CNTN6: variants seen among roughly 807,000 people sequenced by gnomAD.
The protein encoded by CNTN6 is contactin 6, also known as contactin-6.
CNTN6 carries 137 observed loss-of-function variants against 122.8 expected under a neutral mutation model. The ratio of observed to expected loss-of-function variants is 1.12; its 90% CI spans 0.97 to 1.29. The LOEUF is 1.29. CNTN6 is among the 50% of genes most tolerant of loss of function. CNTN6 has a pLI of 0.00. For missense variants in CNTN6, 1,634 were observed against 1,223.4 expected (o/e 1.34, Z -5.01); for synonymous variants, 570 against 426.0 (o/e 1.34, Z -4.16).
At chr3:1,366,575 A>G (rs1025752437) in intron 12 of CNTN6, among the ~76,000 whole-genome samples, 4 of 152,138 alleles carry the variant, frequency 2.6e-5, no homozygotes, top group Admixed American at 6.5e-5. Flanking sequence ...TCCACAAAGT[A>G]GCATGAACAG....
At chr3:1,398,970 C>T (rs887555528) in intron 20 of CNTN6, among the ~76,000 whole-genome samples, 2 of 152,118 alleles carry the variant, frequency 1.3e-5, no homozygotes, top group East Asian at 1.9e-4. Flanking sequence ...AAAGTCATTG[C>T]CAACATTGCA....
chr3:1,348,157 C>CAAAAAAAAAAAAAAAAAAAAAAAAA lies in CNTN6; in HGVS notation c.1365-4148_1365-4147insAAAAAAAAAAAAAAAAAAAAAAAAA, dbSNP rs532282828. Among the ~76,000 whole-genome samples, 19 of 64,284 alleles carry CAAAAAAAAAAAAAAAAAAAAAAAAA rather than the reference C, an allele frequency of 3.0e-4. 4 individuals are homozygous for CAAAAAAAAAAAAAAAAAAAAAAAAA. The highest frequency in any genetic ancestry group is 3.7e-4 in the Non-Finnish European group (13 of 35,506). The allele number at this position is 64,284 out of a possible 152,430, so 42.2% of individuals were successfully genotyped here. ...AATATTAGTATTTCTATGCTATAGA[C>CAAAAAAAAAAAAAAAAAAAAAAAAA]AAAAAAAAAAAAAAAAAAAGGACTT... On this transcript the variant is annotated intron_variant, in intron 11 of 22. Coordinates refer to ENST00000446702, the MANE Select transcript of CNTN6 (RefSeq NM_001289080.2).
At chr3:1,132,788 A>C (rs2092373823) in intron 1 of CNTN6, among the ~76,000 whole-genome samples, 1 of 152,176 alleles carries the variant, frequency 6.6e-6, no homozygotes, top group Non-Finnish European at 1.5e-5. Context: ...TTTGAATAAC[A>C]GTCACTTGAC....
At chr3:1,383,929 C>T (rs568609488) in intron 19 of CNTN6, among the ~76,000 whole-genome samples, 35 of 140,180 alleles carry the variant, frequency 2.5e-4, no homozygotes, top group African/African-American at 6.8e-4. Flanking sequence ...TAAACTGATA[C>T]GGAACTGGTG....
intron 2 of CNTN6, among the ~76,000 whole-genome samples, chr3:1,202,898 C>T (rs1559506253): frequency 1.3e-5 from 2 of 152,112 alleles, no homozygotes; most frequent in Non-Finnish European, 2.9e-5. Context: ...AAATGAAGCA[C>T]GGGCTGCTAT....
At chr3:1,274,113 C>T (rs567274427) in intron 4 of CNTN6, among the ~76,000 whole-genome samples, 333 of 152,208 alleles carry the variant, frequency 2.2e-3, no homozygotes, top group African/African-American at 7.6e-3. Context: ...TTAAAATTGT[C>T]ACCTATGATG....
At chr3:1,248,042 G>A (rs17080969) in intron 4 of CNTN6, among the ~76,000 whole-genome samples, 8,945 of 151,946 alleles carry the variant, frequency 0.059, 346 homozygotes, top group East Asian at 0.15. Context: ...TTGGTATGTT[G>A]GGTGGCTCTT....
At chr3:1,253,087 CTT>C (rs891171920) in intron 4 of CNTN6, among the ~76,000 whole-genome samples, 1 of 152,164 alleles carries the variant, frequency 6.6e-6, no homozygotes, top group Non-Finnish European at 1.5e-5. Context: ...CAATCATCCT[CTT>C]TTATTTTGCC....
At chr3:1,249,138 TA>T (rs1335063576) in intron 4 of CNTN6, among the ~76,000 whole-genome samples, 1 of 152,152 alleles carries the variant, frequency 6.6e-6, no homozygotes, top group Non-Finnish European at 1.5e-5. Context: ...GGTTAATGTC[TA>T]AAGACAATCA....
intron 7 of CNTN6, among the ~76,000 whole-genome samples, chr3:1,312,454 A>T (rs1370243117): frequency 6.6e-6 from 1 of 151,992 alleles, no homozygotes. Flanking sequence ...GAAGGATTTC[A>T]AATCTAAGTT....
intron 2 of CNTN6, among the ~76,000 whole-genome samples, chr3:1,170,164 G>A (rs1459893127): frequency 6.9e-6 from 1 of 144,790 alleles, no homozygotes; most frequent in East Asian, 2.0e-4. Context: ...TTGAACCCGT[G>A]AGGCAGAGGT....
At chr3:1,301,938 A>G (rs914599066) in intron 7 of CNTN6, among the ~76,000 whole-genome samples, 2 of 152,202 alleles carry the variant, frequency 1.3e-5, no homozygotes, top group Non-Finnish European at 1.5e-5. Context: ...TCTTTGACAC[A>G]TTGCAAACAT....
chr3:1,332,526 G>GGAAGGAAGGAAGGAAA (rs1185468906), intron 11 of CNTN6, among the ~76,000 whole-genome samples: 1 of 149,586 alleles, frequency 6.7e-6, no homozygotes, highest in South Asian at 2.1e-4. Context: ...AAGGAAGGAA[G>GGAAGGAAGGAAGGAAA]GAAGGAGGGA....
At position 1,385,885 on chromosome 3, in the gene CNTN6, C is replaced by CATT. The variant is rs1329959614; in HGVS notation, c.2704+89_2704+91dup. 5.5e-5 allele frequency: 67 copies of CATT among 1,225,324 alleles called. 1 individual carries two copies. The South Asian group carries it at 1.1e-3, about 20-fold the overall frequency. 75.9% of individuals were successfully genotyped at this position (1,225,324 alleles called of 1,614,324 possible). Reference sequence around the variant, plus strand: ...TGATGTTCATTTCATTCCCACACCTCATTTCTTTACTAATTGGTTACTTTG... The same window carrying CATT: ...TGATGTTCATTTCATTCCCACACCTCATTATTTCTTTACTAATTGGTTACTTTG... On this transcript the variant is annotated intron_variant, in intron 20 of 22. Coordinates refer to ENST00000446702, the MANE Select transcript of CNTN6 (RefSeq NM_001289080.2).
At chr3:1,094,912 A>G (rs2090442800) in intron 1 of CNTN6, among the ~76,000 whole-genome samples, 1 of 152,088 alleles carries the variant, frequency 6.6e-6, no homozygotes, top group Non-Finnish European at 1.5e-5. Flanking sequence ...GCAGAAGTAT[A>G]AGTTCTACCT....
At chr3:1,255,048 C>T (rs1304771566) in intron 4 of CNTN6, among the ~76,000 whole-genome samples, 1 of 152,098 alleles carries the variant, frequency 6.6e-6, no homozygotes, top group Non-Finnish European at 1.5e-5. Flanking sequence ...TTCTTCTGCA[C>T]ATGGCCTCTC....
chr3:1,297,358 C>T (rs9857457), intron 6 of CNTN6, among the ~76,000 whole-genome samples: 4,385 of 152,150 alleles, frequency 0.029, 223 homozygotes, highest in African/African-American at 0.1. Flanking sequence ...CTCTGGTAGG[C>T]AGTGTATTTA....
chr3:1,385,931 A>C (rs1692836265), intron 20 of CNTN6, 134 bp downstream of exon 20: 6 of 775,608 alleles, frequency 7.7e-6, no homozygotes, highest in Non-Finnish European at 1.2e-5. Context: ...TTGTCCCTTA[A>C]ATATGGATAC....
At chr3:1,248,365 G>T (rs1033891015) in intron 4 of CNTN6, among the ~76,000 whole-genome samples, 5 of 152,108 alleles carry the variant, frequency 3.3e-5, no homozygotes, top group Admixed American at 6.6e-5. Context: ...GTATGCTTTA[G>T]TTGTATCTTC....
Sources: allele counts gnomAD v4.1 joint callset (sites outside exome capture counted in the v4.1 genomes callset), GRCh38; gene constraint gnomAD v4.1.1; transcripts MANE v1.5; gene names NCBI Gene and HGNC (gene_info 2026-07-23, HGNC 2026-07-21).